UBN2: variants seen among roughly 807,000 people sequenced by gnomAD.
UBN2 encodes the protein ubinuclein 2.
UBN2 carries 35 observed loss-of-function variants against 120.2 expected under a neutral mutation model. The observed-to-expected ratio is 0.29, with a 90% CI of 0.22 to 0.39. UBN2 has a LOEUF of 0.39. Among genes scored for constraint, UBN2 ranks in the 10% least tolerant of loss-of-function variants. The pLI, the probability that UBN2 is intolerant of heterozygous loss-of-function variation, is 1.00. For synonymous variants in UBN2, 661 were observed against 648.7 expected, an observed-to-expected ratio of 1.02 and a Z score of -0.29; for missense variants, 1,693 against 1,663.2, an observed-to-expected ratio of 1.02 and a Z score of -0.31.
chr7:139,284,225 A>G lies in UBN2; in HGVS notation c.3320A>G (p.Asn1107Ser). 1 of 1,614,110 alleles carries G rather than the reference A, an allele frequency of 6.2e-7. No individual in the cohort carries two copies. Among genetic ancestry groups the G allele is most frequent in the East Asian group, 2.2e-5 (1 of 44,882 alleles). ...LVAQGSHSSTNSPVHKQPSGM... is the reference protein window; with the variant it reads ...LVAQGSHSSTSSPVHKQPSGM... ...GCCCAGGGTAGCCACTCCAGCACTA[A>G]CAGCCCAGTCCATAAACAGCCCAGT... is the stretch of plus-strand genomic sequence containing the variant. The change falls in exon 15 of 18, where the codon AAC becomes AGC. Residue 1107 changes from asparagine (N) to serine (S), a missense_variant. Around this residue, in one of 5 missense-constraint regions of UBN2, gnomAD observed 837 missense variants for 817.6 expected, o/e 1.02. Transcript: ENST00000473989.
chr7:139,261,308 C>G lies in UBN2; in HGVS notation c.962C>G (p.Ser321Cys), dbSNP rs762185945. The change falls in exon 6 of 18, where the codon TCT becomes TGT. Residue 321 changes from serine (S) to cysteine (C), a missense_variant. Ser to Cys is a moderately radical substitution (Grantham distance 112, BLOSUM62 -1). Transcript: ENST00000473989. ...AAAAAGAAGAAACGTTATAAAGATT[C>G]TCTTTCTCTAGCTGCCATGATTAGA... ...SEKKKKRYKD[S>C]LSLAAMIRKF... is the part of the protein sequence containing the mutation. The G allele has an allele frequency of 9.3e-6, 15 of 1,613,186 alleles. No homozygotes were observed. The highest frequency in any genetic ancestry group is 4.0e-5 in the African/African-American group (3 of 74,776).
At position 139,306,366 on chromosome 7, in the gene UBN2, C is replaced by T. The variant is rs904717996; in HGVS notation, c.*8530C>T. 6.6e-6 allele frequency: 1 copy of T among 152,150 alleles called. No homozygotes were observed. 9.4% of individuals were successfully genotyped at this position (152,150 alleles called of 1,614,324 possible). A position where few individuals can be genotyped will look rare whatever the true frequency, so the allele number is the denominator to read the frequency against. ...AGAAAATTGGGTTTTCTTTACTATACCTGCAAAATTACCAAGGGTTACCCC... is the reference window on the plus strand; with the variant it reads ...AGAAAATTGGGTTTTCTTTACTATATCTGCAAAATTACCAAGGGTTACCCC... On this transcript the variant is annotated 3_prime_UTR_variant, in exon 18 of 18. Coordinates refer to ENST00000473989, the MANE Select transcript of UBN2 (RefSeq NM_173569.4).
At chr7:139,244,937 AATTT>A (rs932833508) in intron 2 of UBN2, among the ~76,000 whole-genome samples, 1 of 151,592 alleles carries the variant, frequency 6.6e-6, no homozygotes, top group African/African-American at 2.4e-5. Context: ...AATTTTTTAA[AATTT>A]ATTTATTTAT....
At chr7:139,310,423 C>G (rs567117523), downstream of UBN2, among the ~76,000 whole-genome samples, 2 of 152,278 alleles carry the variant, frequency 1.3e-5, no homozygotes, top group East Asian at 3.9e-4. Flanking sequence ...AGAGCAACCA[C>G]CTATCAATTT....
chr7:139,260,983 G>C (rs2278062), intron 5 of UBN2, among the ~76,000 whole-genome samples: 12,257 of 152,178 alleles, frequency 0.081, 876 homozygotes, highest in Admixed American at 0.21. Flanking sequence ...ATAGGATTTA[G>C]AAAAGATTTC....
Position 139,273,294 on chromosome 7 carries a change from T to C in UBN2, c.1716-3T>C, listed in dbSNP as rs767020954. On this transcript the variant is annotated splice_region_variant and splice_polypyrimidine_tract_variant and intron_variant, in intron 9 of 17. Transcript: ENST00000473989. The stretch of plus-strand genomic sequence containing the variant: ...TGTTTTGTAAAGTGTTTTTCATTTT[T>C]AGATTGCAGACAGATGAAGAACGAG... The C allele has an allele frequency of 3.8e-6, 6 of 1,592,766 alleles. No individual in the cohort carries two copies. The highest frequency in any genetic ancestry group is 4.3e-6 in the Non-Finnish European group (5 of 1,170,022).
chr7:139,318,175 A>C, the UBN2 span, among the ~76,000 whole-genome samples: 1 of 152,178 alleles, frequency 6.6e-6, no homozygotes, highest in Non-Finnish European at 1.5e-5. Context: ...TACTCTTAAA[A>C]TACCTGGTGA....
At chr7:139,319,702 C>T in the UBN2 span, among the ~76,000 whole-genome samples, 1 of 152,224 alleles carries the variant, frequency 6.6e-6, no homozygotes, top group Admixed American at 6.5e-5. Context: ...CTCCTTCTGA[C>T]CTCCAGTTAT....
intron 2 of UBN2, among the ~76,000 whole-genome samples, chr7:139,247,214 T>C (rs573430017): frequency 9.2e-5 from 14 of 152,116 alleles, no homozygotes; most frequent in South Asian, 8.3e-4. Context: ...TCATTTTGCA[T>C]TCCTGCTAGT....
At position 139,290,243 on chromosome 7, in the gene UBN2, T is replaced by C. The variant is rs565410876; in HGVS notation, c.3670-2989T>C. 2.4e-4 allele frequency among the ~76,000 whole-genome samples: 36 copies of C among 152,324 alleles called. 1 individual carries two copies. In the South Asian group the frequency reaches 5.2e-3, roughly 22 times the overall value. The stretch of plus-strand genomic sequence containing the variant: ...GCCACCGTGCCTTGCCAACTCTGGT[T>C]AATTTTTAAGTTGATGCAGGATCTT... On this transcript the variant is annotated intron_variant, in intron 15 of 17. Coordinates refer to ENST00000473989, the MANE Select transcript of UBN2 (RefSeq NM_173569.4).
Position 139,297,921 on chromosome 7 carries a change from G to A in UBN2, c.*85G>A. The A allele has an allele frequency of 7.0e-7, 1 of 1,426,126 alleles. No homozygotes were observed. The allele number at this position is 1,426,126 out of a possible 1,614,324, so 88.3% of individuals were successfully genotyped here. A position where few individuals can be genotyped will look rare whatever the true frequency, so the allele number is the denominator to read the frequency against. ...AAAGTACTTATGTGGTCATAGGGCTGCTGTTTCTGTCGATGTTTACATTCT... is the reference window on the plus strand; with the variant it reads ...AAAGTACTTATGTGGTCATAGGGCTACTGTTTCTGTCGATGTTTACATTCT... On this transcript the variant is annotated 3_prime_UTR_variant, in exon 18 of 18. Transcript: ENST00000473989.
At chr7:139,262,583 C>T (rs915752084) in intron 6 of UBN2, among the ~76,000 whole-genome samples, 87 of 151,784 alleles carry the variant, frequency 5.7e-4, no homozygotes, top group African/African-American at 2.1e-3. Flanking sequence ...GGTGTGGTGG[C>T]GCGTGCCTGT....
At position 139,231,554 on chromosome 7, in the gene UBN2, G is replaced by C. The variant is rs1796009288; in HGVS notation, c.70G>C (p.Gly24Arg). Residue 24 changes from glycine to arginine, a missense_variant, in exon 1 of 18, where the codon GGG becomes CGG. Physicochemically the swap from Gly to Arg is moderately radical, Grantham distance 125 (BLOSUM62 -2). Transcript: ENST00000473989. ...PVRRREAEYPGPEREPEYPRE... is the reference protein window; with the variant it reads ...PVRRREAEYPRPEREPEYPRE... ...GCGGCGGCGCGAGGCCGAGTACCCG[G>C]GGCCCGAGCGTGAGCCCGAGTACCC... 7.1e-7 allele frequency: 1 copy of C among 1,418,196 alleles called. No individual in the cohort carries two copies. The highest frequency in any genetic ancestry group is 3.0e-5 in the East Asian group (1 of 32,938). 87.9% of individuals were successfully genotyped at this position (1,418,196 alleles called of 1,614,324 possible).
chr7:139,269,356 A>G, intron 7 of UBN2, 38 bp from the exon 8 acceptor site: 1 of 1,604,558 alleles, frequency 6.2e-7, no homozygotes, highest in Non-Finnish European at 8.5e-7. Flanking sequence ...CCTAAAATAA[A>G]TTCTATACTG....
At chr7:139,286,607 A>AAAAT (rs1401416596) in intron 15 of UBN2, among the ~76,000 whole-genome samples, 1 of 152,228 alleles carries the variant, frequency 6.6e-6, no homozygotes, top group African/African-American at 2.4e-5. Flanking sequence ...TTTTTTCAAC[A>AAAAT]AAATGTGTTT....
chr7:139,325,413 G>A, the UBN2 span, among the ~76,000 whole-genome samples: 1 of 151,718 alleles, frequency 6.6e-6, no homozygotes, highest in Non-Finnish European at 1.5e-5. Context: ...GATTACAGGT[G>A]CCCACTACCA....
chr7:139,260,459 T>C lies in UBN2; in HGVS notation c.906-793T>C, dbSNP rs530677257. On this transcript the variant is annotated intron_variant, in intron 5 of 17. Coordinates refer to ENST00000473989, the MANE Select transcript of UBN2 (RefSeq NM_173569.4). ...AACAAATAGAATTTCTCAGAAGCCTTACATCAGAAGAATAAAATATTTGTA... is the reference window on the plus strand; with the variant it reads ...AACAAATAGAATTTCTCAGAAGCCTCACATCAGAAGAATAAAATATTTGTA... Among the ~76,000 whole-genome samples the C allele has an allele frequency of 1.3e-3, 201 of 152,296 alleles. 1 individual carries two copies. The highest frequency in any genetic ancestry group is 3.4e-3 in the Middle Eastern group (1 of 294).
chr7:139,310,308 T>TAA (rs35212118), downstream of UBN2, among the ~76,000 whole-genome samples: 1 of 123,892 alleles, frequency 8.1e-6, no homozygotes, highest in Non-Finnish European at 1.6e-5. Context: ...CCTGTGTCTT[T>TAA]AAAAAAAAAA....
rs762275751 is a variant in UBN2 at position 139,266,419 on chromosome 7, TA to T, written c.1466+27del. The T allele has an allele frequency of 9.0e-3, 9,648 of 1,077,274 alleles. No homozygotes were observed. The highest frequency in any genetic ancestry group is 0.012 in the South Asian group (717 of 59,420). 66.7% of individuals were successfully genotyped at this position (1,077,274 alleles called of 1,614,324 possible). A position where few individuals can be genotyped will look rare whatever the true frequency, so the allele number is the denominator to read the frequency against. ...TTCTTCTGGAGTAAGTAATTTTCTT[TA>T]AAAAAAAAAACCTTAAGAATGATAC... On this transcript the variant is annotated intron_variant, in intron 7 of 17. Coordinates refer to ENST00000473989, the MANE Select transcript of UBN2 (RefSeq NM_173569.4).
Sources: allele counts gnomAD v4.1 joint callset (sites outside exome capture counted in the v4.1 genomes callset), GRCh38; gene constraint gnomAD v4.1.1; regional missense constraint gnomAD v4.1.1; transcripts MANE v1.5; gene names NCBI Gene and HGNC (gene_info 2026-07-23, HGNC 2026-07-21).